Variants in AVIL observed in about 807,000 individuals in gnomAD.
AVIL encodes the protein advillin.
A neutral mutation model predicts 109.9 loss-of-function variants in AVIL; 78 were observed. That is an observed-to-expected ratio of 0.71 (90% CI 0.59 to 0.86). AVIL has a LOEUF of 0.86. AVIL is among the 40% of genes least tolerant of loss of function. The pLI, the probability that AVIL is intolerant of heterozygous loss-of-function variation, is 0.00. For synonymous variants in AVIL, 367 were observed against 379.1 expected (o/e 0.97, Z 0.37); for missense variants, 892 against 1,016.5 (o/e 0.88, Z 1.67).
At position 57,803,325 on chromosome 12, in the gene AVIL, G is replaced by A. The variant is rs758880730; in HGVS notation, c.1884C>T (p.Phe628=). 5.6e-6 allele frequency: 9 copies of A among 1,614,072 alleles called. No individual in the cohort carries two copies. Among genetic ancestry groups the A allele is most frequent in the East Asian group, 4.5e-5 (2 of 44,906 alleles). The part of the protein sequence containing the change: ...LFECSNKTGQ[F]VVTEITDFTQ... ...TGAAGTCTGTGATCTCAGTGACAAC[G>A]AATTGGCCGGTCTTATTGGAACATT... Residue 628 remains phenylalanine, a synonymous_variant, in exon 16 of 20, where the codon TTC becomes TTT. Coordinates refer to ENST00000549994, the MANE Select transcript of AVIL (RefSeq NM_006576.4).
At chr12:57,798,381 T>A (rs369455279) in intron 19 of AVIL, among the ~76,000 whole-genome samples, 12 of 152,346 alleles carry the variant, frequency 7.9e-5, no homozygotes, top group African/African-American at 2.9e-4. Context: ...TACCCATAAA[T>A]TTTCAAATGC....
At position 57,809,455 on chromosome 12, in the gene AVIL, A is replaced by T. The variant is rs567684955; in HGVS notation, c.939+142T>A. The T allele has an allele frequency of 2.4e-5, 22 of 921,320 alleles. No homozygotes were observed. In the African/African-American group the frequency reaches 3.0e-4, roughly 12 times the overall value. 57.1% of individuals were successfully genotyped at this position (921,320 alleles called of 1,614,324 possible). On this transcript the variant is annotated intron_variant, in intron 9 of 19. Transcript: ENST00000549994. Reference sequence around the variant, plus strand: ...AAGACAAAACCTGGATTTGAATCCCAGTTTGTCTGCCTGACTTTGCAGTCC... The same window carrying T: ...AAGACAAAACCTGGATTTGAATCCCTGTTTGTCTGCCTGACTTTGCAGTCC...
chr12:57,806,416 A>C lies in AVIL; in HGVS notation c.1615T>G (p.Ser539Ala). 1 of 1,613,862 alleles carries C rather than the reference A, an allele frequency of 6.2e-7. No homozygotes were observed. Among genetic ancestry groups the C allele is most frequent in the Non-Finnish European group, 8.5e-7 (1 of 1,179,958 alleles). Residue 539 changes from serine to alanine, a missense_variant, in exon 14 of 20, where the codon TCC becomes GCC. Coordinates refer to ENST00000549994, the MANE Select transcript of AVIL (RefSeq NM_006576.4). ...GTTCGCAGCAGAAAGACATCATTGGAGTTTAGGGAGGAGGCAAAGGCTGGA... is the reference window on the plus strand; with the variant it reads ...GTTCGCAGCAGAAAGACATCATTGGCGTTTAGGGAGGAGGCAAAGGCTGGA... Reference protein sequence around the residue: ...EVPAFASSLNSNDVFLLRTQA... With the variant: ...EVPAFASSLNANDVFLLRTQA...
chr12:57,798,153 T>A (rs985261754), intron 19 of AVIL, among the ~76,000 whole-genome samples, 158 bp from the exon 20 acceptor site: 1 of 152,198 alleles, frequency 6.6e-6, no homozygotes, highest in African/African-American at 2.4e-5. Context: ...AAATTATTCA[T>A]TGGAGAGGTG....
At chr12:57,813,164 C>T (rs923409455) in intron 4 of AVIL, 63 bp downstream of exon 4, 25 of 1,512,198 alleles carry the variant, frequency 1.7e-5, no homozygotes, top group Non-Finnish European at 2.1e-5. Flanking sequence ...TGCATGTTGG[C>T]CTTTTGGGTT....
chr12:57,808,049 C>G lies in AVIL; in HGVS notation c.1194+145G>C, dbSNP rs374854949. On this transcript the variant is annotated intron_variant, in intron 11 of 19. Transcript: ENST00000549994. The stretch of plus-strand genomic sequence containing the variant: ...CACTACCCTGAAAACTCTACAGACT[C>G]ACAAGACTCTTAAAGAAGACTCCTG... 1.7e-3 allele frequency: 1,652 copies of G among 974,006 alleles called. 8 individuals carry two copies. The Middle Eastern group carries it at 0.032, about 19-fold the overall frequency. 60.3% of individuals were successfully genotyped at this position (974,006 alleles called of 1,614,324 possible).
intron 2 of AVIL, chr12:57,814,944 T>C (rs538471937): frequency 6.6e-6 from 1 of 152,386 alleles, no homozygotes; most frequent in African/African-American, 2.4e-5. Flanking sequence ...TTAGTACTTG[T>C]TTTTTGTTTT....
chr12:57,810,218 T>G, intron 7 of AVIL, 131 bp downstream of exon 7: 1 of 982,492 alleles, frequency 1.0e-6, no homozygotes, highest in South Asian at 1.7e-5. Flanking sequence ...AGGAGCTGCA[T>G]TTGAAAAGGA....
At chr12:57,818,288 C>A (rs1343536695) in intron 1 of AVIL, among the ~76,000 whole-genome samples, 1 of 148,164 alleles carries the variant, frequency 6.7e-6, no homozygotes, top group African/African-American at 2.5e-5. Flanking sequence ...AATCCTCATG[C>A]CCTGGCTTCC....
chr12:57,802,031 G>T, intron 17 of AVIL, 129 bp downstream of exon 17: 3 of 1,056,812 alleles, frequency 2.8e-6, no homozygotes, highest in Admixed American at 5.5e-5. Context: ...AAGGCAGGGA[G>T]TGGGATGGGA....
chr12:57,816,954 C>T (rs1307584441), intron 1 of AVIL, among the ~76,000 whole-genome samples: 1 of 151,874 alleles, frequency 6.6e-6, no homozygotes, highest in Non-Finnish European at 1.5e-5. Flanking sequence ...GACACTTAGA[C>T]GTCTCCAGTT....
Position 57,810,391 on chromosome 12 carries a change from T to C in AVIL, c.719A>G (p.Glu240Gly). ...TGATTTCTGCTTCTGATCTATGATC[T>C]CATCAGGGACTGTAGGCTTGATAAT... ...RSIIKPTVPD[E>G]IIDQKQKSTI... The change falls in exon 7 of 20, where the codon GAG becomes GGG. Residue 240 changes from glutamate (E) to glycine (G), a missense_variant. Coordinates refer to ENST00000549994, the MANE Select transcript of AVIL (RefSeq NM_006576.4). 1 of 1,614,218 alleles carries C rather than the reference T, an allele frequency of 6.2e-7. No individual in the cohort carries two copies. The highest frequency in any genetic ancestry group is 8.5e-7 in the Non-Finnish European group (1 of 1,180,050).
At chr12:57,809,559 GA>G in intron 9 of AVIL, 37 bp downstream of exon 9, 1 of 1,607,934 alleles carries the variant, frequency 6.2e-7, no homozygotes, top group South Asian at 1.1e-5. Flanking sequence ...GCTCTTAGCA[GA>G]ATTATTTGAA....
chr12:57,814,464 T>C, intron 2 of AVIL: 1 of 508,284 alleles, frequency 2.0e-6, no homozygotes, highest in Non-Finnish European at 3.6e-6. Flanking sequence ...CTGCTTTCCC[T>C]TGCCCTATTC....
At chr12:57,808,799 C>A (rs912969973) in intron 9 of AVIL, 10 of 488,344 alleles carry the variant, frequency 2.0e-5, no homozygotes, top group Non-Finnish European at 3.6e-5. Flanking sequence ...GATGATTATG[C>A]TGTGTTCTTT....
chr12:57,801,689 G>A (rs1281843861), intron 17 of AVIL, among the ~76,000 whole-genome samples: 2 of 152,042 alleles, frequency 1.3e-5, no homozygotes, highest in Non-Finnish European at 1.5e-5. Context: ...GCAGTGAGCC[G>A]AGATTGTGCC....
Position 57,810,831 on chromosome 12 carries a change from A to T in AVIL, c.543T>A (p.Ser181Arg), listed in dbSNP as rs1956027092. ...IIQWNGPESN[S>R]GERLKAMLLA... ...GAAGCCATACCTTCAGGCGCTCCCC[A>T]CTGTTGCTCTCTGGGCCATTCCATT... Residue 181 changes from serine to arginine, a missense_variant, in exon 6 of 20, where the codon AGT (serine) becomes AGA (arginine). By Grantham distance (110) the Ser-to-Arg change is moderately radical. Coordinates refer to ENST00000549994, the MANE Select transcript of AVIL (RefSeq NM_006576.4). The T allele has an allele frequency of 6.2e-7, 1 of 1,614,036 alleles. No homozygotes were observed. The highest frequency in any genetic ancestry group is 8.5e-7 in the Non-Finnish European group (1 of 1,180,004).
chr12:57,809,369 A>G (rs545394096), intron 9 of AVIL, among the ~76,000 whole-genome samples: 2 of 152,296 alleles, frequency 1.3e-5, no homozygotes, highest in Non-Finnish European at 2.9e-5. Flanking sequence ...CCCATGTTAG[A>G]TATGGGGAAA....
intron 15 of AVIL, 38 bp downstream of exon 15, chr12:57,803,486 G>A (rs1955890881): frequency 6.2e-7 from 1 of 1,613,808 alleles, no homozygotes; most frequent in Non-Finnish European, 8.5e-7. Context: ...CTGGCAGGCA[G>A]GGGGAGCCCA....
Sources: gnomAD v4.1 joint callset for allele counts (sites outside exome capture counted in the v4.1 genomes callset) on GRCh38, gnomAD v4.1.1 for gene constraint, MANE v1.5 for transcripts, NCBI Gene and HGNC (gene_info 2026-07-23, HGNC 2026-07-21) for gene names.